CNTN6: variants seen among roughly 807,000 people sequenced by gnomAD.
The protein encoded by CNTN6 is contactin-6.
CNTN6 carries 137 observed loss-of-function variants against 122.8 expected under a neutral mutation model. The observed-to-expected ratio is 1.12, with a 90% CI of 0.97 to 1.29. CNTN6 has a LOEUF of 1.29. Ranked by LOEUF, CNTN6 falls within the 50% of genes most tolerant of loss-of-function variation. The pLI is 0.00. For missense variants in CNTN6, 1,634 were observed against 1,223.4 expected (o/e 1.34, Z -5.01); for synonymous variants, 570 against 426.0 (o/e 1.34, Z -4.16).
intron 4 of CNTN6, among the ~76,000 whole-genome samples, chr3:1,236,851 C>T (rs1010047645): frequency 7.9e-5 from 12 of 152,134 alleles, no homozygotes; most frequent in East Asian, 1.9e-4. Flanking sequence ...GAGGCTGAGG[C>T]GGGTGGATCA....
rs1251949904 is a variant in CNTN6, at chr3:1,099,408, G to A, written c.-83+6288G>A. On this transcript the variant is annotated intron_variant, in intron 1 of 22. Transcript: ENST00000446702. ...GGAGCTTGCAGTGAGCCGAGATTGA[G>A]CCATTACACTCCAGCCTGGGTGACA... Among the ~76,000 whole-genome samples the A allele has an allele frequency of 1.3e-5, 2 of 152,100 alleles. 1 individual carries two copies. Among genetic ancestry groups the A allele is most frequent in the South Asian group, 4.1e-4 (2 of 4,826 alleles).
At chr3:1,315,920 G>A (rs1290173719) in intron 7 of CNTN6, among the ~76,000 whole-genome samples, 3 of 151,844 alleles carry the variant, frequency 2.0e-5, no homozygotes, top group South Asian at 2.1e-4. Flanking sequence ...TGATTTCAGT[G>A]TATAAATGAT....
chr3:1,278,276 AT>A, intron 4 of CNTN6, 136 bp from the exon 5 acceptor site: 1 of 580,302 alleles, frequency 1.7e-6, no homozygotes, highest in Non-Finnish European at 3.0e-6. Context: ...AGTTAAATTG[AT>A]TGTCAACTAA....
At chr3:1,225,813 A>T (rs924865904) in intron 3 of CNTN6, among the ~76,000 whole-genome samples, 2 of 151,840 alleles carry the variant, frequency 1.3e-5, no homozygotes, top group African/African-American at 4.8e-5. Context: ...TGTACTCTTT[A>T]ACTGCTGTCT....
At chr3:1,279,241 G>C (rs767063130) in intron 5 of CNTN6, among the ~76,000 whole-genome samples, 17 of 152,176 alleles carry the variant, frequency 1.1e-4, no homozygotes, top group Non-Finnish European at 1.8e-4. Context: ...ACTACTTACT[G>C]ATTCTCATCC....
chr3:1,321,630 A>G lies in CNTN6; in HGVS notation c.762-20A>G. On this transcript the variant is annotated intron_variant, in intron 7 of 22. Coordinates refer to ENST00000446702, the MANE Select transcript of CNTN6 (RefSeq NM_001289080.2). ...TAAAGATTAAACCGTCTTCTATTCT[A>G]ATGAGGTGTAACTGTTTAGTCCAGT... is the stretch of plus-strand genomic sequence containing the variant. 6.3e-7 allele frequency: 1 copy of G among 1,584,224 alleles called. No individual in the cohort carries two copies.
intron 11 of CNTN6, among the ~76,000 whole-genome samples, chr3:1,344,642 CAAAG>C (rs1440871964): frequency 6.6e-6 from 1 of 152,088 alleles, no homozygotes; most frequent in Non-Finnish European, 1.5e-5. Flanking sequence ...GGAGGGTACT[CAAAG>C]AAAGATTTGC....
chr3:1,180,203 GAGA>G (rs1265232702), intron 2 of CNTN6, among the ~76,000 whole-genome samples: 5 of 152,148 alleles, frequency 3.3e-5, no homozygotes, highest in Admixed American at 2.0e-4. Flanking sequence ...GTAAATGAAA[GAGA>G]AGGAGAAAGA....
chr3:1,325,095 C>A (rs1701349706), intron 8 of CNTN6, among the ~76,000 whole-genome samples: 1 of 151,952 alleles, frequency 6.6e-6, no homozygotes, highest in East Asian at 2.0e-4. Context: ...TTCCAACCCG[C>A]CTGTTTCCAT....
intron 1 of CNTN6, among the ~76,000 whole-genome samples, chr3:1,122,101 A>G (rs2091969201): frequency 6.6e-6 from 1 of 151,988 alleles, no homozygotes; most frequent in South Asian, 2.1e-4. Context: ...CAAATCAATT[A>G]CAGCAGTAAA....
At chr3:1,348,130 G>A (rs1025389284) in intron 11 of CNTN6, among the ~76,000 whole-genome samples, 1 of 119,378 alleles carries the variant, frequency 8.4e-6, no homozygotes, top group African/African-American at 3.4e-5. Flanking sequence ...TGTGACACAG[G>A]TAATATTAGT....
At chr3:1,207,295 C>G (rs1401299688) in intron 2 of CNTN6, among the ~76,000 whole-genome samples, 4 of 151,952 alleles carry the variant, frequency 2.6e-5, no homozygotes, top group Admixed American at 6.6e-5. Context: ...AAATTTTTCT[C>G]CAACATATTA....
At chr3:1,238,732 A>T (rs1022023556) in intron 4 of CNTN6, among the ~76,000 whole-genome samples, 3 of 152,198 alleles carry the variant, frequency 2.0e-5, no homozygotes, top group Non-Finnish European at 4.4e-5. Flanking sequence ...TCGAAATTAT[A>T]TCAAGTACTC....
chr3:1,191,924 T>A (rs2093707947), intron 2 of CNTN6, among the ~76,000 whole-genome samples: 1 of 152,212 alleles, frequency 6.6e-6, no homozygotes, highest in African/African-American at 2.4e-5. Flanking sequence ...TTACTCTAAA[T>A]TATAATTTTT....
chr3:1,123,282 T>C (rs1308592483), intron 1 of CNTN6, among the ~76,000 whole-genome samples: 1 of 151,864 alleles, frequency 6.6e-6, no homozygotes, highest in Non-Finnish European at 1.5e-5. Context: ...TCCATGAACA[T>C]AAGATATCTT....
At chr3:1,224,220 TC>T (rs762383920) in intron 3 of CNTN6, among the ~76,000 whole-genome samples, 1 of 152,064 alleles carries the variant, frequency 6.6e-6, no homozygotes, top group Non-Finnish European at 1.5e-5. Context: ...TAGAATCAAC[TC>T]ATAGAAGTAG....
chr3:1,259,805 A>G (rs2094815224), intron 4 of CNTN6, among the ~76,000 whole-genome samples: 1 of 152,172 alleles, frequency 6.6e-6, no homozygotes, highest in African/African-American at 2.4e-5. Context: ...ACATGCTTGT[A>G]TAGATGTATC....
intron 2 of CNTN6, among the ~76,000 whole-genome samples, chr3:1,181,792 CT>C (rs1278972915): frequency 6.6e-6 from 1 of 152,086 alleles, no homozygotes; most frequent in Non-Finnish European, 1.5e-5. Flanking sequence ...GCATTTTATT[CT>C]GCTCAGTCAG....
intron 1 of CNTN6, among the ~76,000 whole-genome samples, chr3:1,135,757 C>T (rs934743314): frequency 7.9e-5 from 12 of 152,142 alleles, no homozygotes; most frequent in Middle Eastern, 6.8e-3. Context: ...TTTGGGAGGC[C>T]GCAGGCGAGT....
Sources: gnomAD v4.1 joint callset for allele counts (sites outside exome capture counted in the v4.1 genomes callset) on GRCh38, gnomAD v4.1.1 for gene constraint, MANE v1.5 for transcripts, NCBI Gene and HGNC (gene_info 2026-07-23, HGNC 2026-07-21) for gene names.